The following HMGA2 variants were observed in gnomAD, a reference collection of about 807,000 sequenced individuals.
HMGA2 encodes high mobility group AT-hook 2.
Under a neutral mutation model 19.1 loss-of-function variants are expected in HMGA2, and 8 were observed. The ratio of observed to expected loss-of-function variants is 0.42; its 90% confidence interval spans 0.25 to 0.76. The LOEUF (loss-of-function observed/expected upper bound fraction) is 0.76, where lower values mean the gene tolerates loss of function less well. HMGA2 is among the 30% of genes least tolerant of loss of function. The probability of loss-of-function intolerance (pLI) is 0.28; values close to 1 mark genes in which losing one functional copy is unlikely to be tolerated. For missense variants in HMGA2, 109 were observed against 136.3 expected (o/e 0.80, Z 1.00); for synonymous variants, 60 against 48.8 (o/e 1.23, Z -0.96).
intron 2 of HMGA2, among the ~76,000 whole-genome samples, chr12:65,835,944 G>C (rs1270096456): frequency 6.6e-6 from 1 of 152,154 alleles, no homozygotes; most frequent in Non-Finnish European, 1.5e-5. Context: ...CAAAGATTAA[G>C]TCAGATGCTG....
intron 3 of HMGA2, among the ~76,000 whole-genome samples, chr12:65,917,644 A>G (rs538729340): frequency 5.3e-5 from 8 of 152,284 alleles, no homozygotes; most frequent in Non-Finnish European, 7.3e-5. Context: ...AGGAATTGAG[A>G]AAAAGAAGGA....
intron 3 of HMGA2, among the ~76,000 whole-genome samples, chr12:65,894,968 C>A (rs747015812): frequency 1.3e-5 from 2 of 152,118 alleles, no homozygotes; most frequent in Non-Finnish European, 2.9e-5. Context: ...CCAAATAGCA[C>A]CCTAATACAG....
chr12:65,951,711 T>C, intron 4 of HMGA2: 1 of 262,972 alleles, frequency 3.8e-6, no homozygotes, highest in South Asian at 1.1e-4. Flanking sequence ...AATCTTATCC[T>C]ATATTTTACC....
chr12:65,879,166 C>T (rs1167903715), intron 3 of HMGA2, among the ~76,000 whole-genome samples: 3 of 152,230 alleles, frequency 2.0e-5, no homozygotes, highest in Non-Finnish European at 4.4e-5. Context: ...CTAGCTCTGT[C>T]GCCCAGGCGG....
intron 3 of HMGA2, among the ~76,000 whole-genome samples, chr12:65,907,896 C>T (rs1592437424): frequency 6.6e-6 from 1 of 152,070 alleles, no homozygotes; most frequent in East Asian, 1.9e-4. Flanking sequence ...ACTGTGTGAC[C>T]TAAGTTTCAT....
At chr12:65,961,757 GTA>G (rs1876758381) in intron 4 of HMGA2, among the ~76,000 whole-genome samples, 1 of 150,058 alleles carries the variant, frequency 6.7e-6, no homozygotes, top group African/African-American at 2.4e-5. Flanking sequence ...GTGTGTGTGT[GTA>G]TGTGTGTGTG....
chr12:65,881,888 C>G (rs1342773531), intron 3 of HMGA2: 1 of 702,610 alleles, frequency 1.4e-6, no homozygotes, highest in Non-Finnish European at 2.6e-6. Flanking sequence ...CGAGAGAGCC[C>G]CGGTAGGTCC....
intron 3 of HMGA2, among the ~76,000 whole-genome samples, chr12:65,936,573 T>C (rs1007338254): frequency 1.3e-5 from 2 of 152,072 alleles, no homozygotes; most frequent in East Asian, 3.8e-4. Context: ...TTCATCACAG[T>C]GGTACTACAT....
At chr12:65,838,998 C>CTTTTTTTTTTTTTTTTTTTTTTT in intron 3 of HMGA2, among the ~76,000 whole-genome samples, 13 of 107,216 alleles carry the variant, frequency 1.2e-4, no homozygotes, top group Middle Eastern at 5.2e-3. Context: ...TTTTCTTTTT[C>CTTTTTTTTTTTTTTTTTTTTTTT]TTTTTTTTTT....
At chr12:65,831,923 G>A (rs1267437415) in intron 2 of HMGA2, among the ~76,000 whole-genome samples, 2 of 151,856 alleles carry the variant, frequency 1.3e-5, no homozygotes, top group Non-Finnish European at 3.0e-5. Flanking sequence ...AGGTAACTTT[G>A]GAAGTTATCA....
chr12:65,846,713 C>G (rs1369603298), intron 3 of HMGA2, among the ~76,000 whole-genome samples: 1 of 152,100 alleles, frequency 6.6e-6, no homozygotes, highest in African/African-American at 2.4e-5. Context: ...TTCTGAGACC[C>G]TTTGATTTTG....
At chr12:65,885,968 T>G (rs879893192) in intron 3 of HMGA2, among the ~76,000 whole-genome samples, 2 of 152,154 alleles carry the variant, frequency 1.3e-5, no homozygotes, top group Admixed American at 6.5e-5. Context: ...CCCCCTTGTT[T>G]AGCATATAAT....
At chr12:65,850,281 A>G (rs1301576921) in intron 3 of HMGA2, among the ~76,000 whole-genome samples, 2 of 152,226 alleles carry the variant, frequency 1.3e-5, no homozygotes, top group Non-Finnish European at 1.5e-5. Flanking sequence ...GTTAAGACCT[A>G]TGGGAACAAA....
chr12:65,913,175 C>T (rs1425035398), intron 3 of HMGA2, among the ~76,000 whole-genome samples: 2 of 151,964 alleles, frequency 1.3e-5, no homozygotes, highest in East Asian at 3.9e-4. Flanking sequence ...TCTTCTGTTC[C>T]TCCATTCCTT....
intron 3 of HMGA2, among the ~76,000 whole-genome samples, chr12:65,922,845 T>C (rs1011010248): frequency 2.7e-4 from 41 of 152,176 alleles, no homozygotes; most frequent in African/African-American, 9.7e-4. Flanking sequence ...ATTCTCATGA[T>C]AGTGAATAAG....
rs1565698478 is a variant in HMGA2 at position 65,825,939 on chromosome 12, C to G, written c.111+558C>G. ...TCCAAGCTCTCGGTGGCCCAAGACT[C>G]GCGCCCTCCCGACAAAGAACGCATG... On this transcript the variant is annotated intron_variant, in intron 1 of 4. Transcript: ENST00000403681. This position sits in a 1 kb window ranked among gnomAD's most constrained non-coding sequence, Gnocchi z 4.4. The G allele has an allele frequency of 6.6e-6, 1 of 151,998 alleles. No homozygotes were observed. The highest frequency in any genetic ancestry group is 2.4e-5 in the African/African-American group (1 of 41,380). 9.4% of individuals were successfully genotyped at this position (151,998 alleles called of 1,614,324 possible).
At chr12:65,909,248 C>T (rs1592438407) in intron 3 of HMGA2, among the ~76,000 whole-genome samples, 2 of 152,098 alleles carry the variant, frequency 1.3e-5, no homozygotes, top group Admixed American at 6.6e-5. Flanking sequence ...TTTTGTCTGG[C>T]GCCAGCACAA....
chr12:65,921,672 T>A (rs1248730038), intron 3 of HMGA2, among the ~76,000 whole-genome samples: 2 of 152,224 alleles, frequency 1.3e-5, no homozygotes, highest in Non-Finnish European at 1.5e-5. Context: ...GAAATTTGCA[T>A]AAGTAGCAAG....
chr12:65,907,437 G>T (rs1874645442), intron 3 of HMGA2, among the ~76,000 whole-genome samples: 1 of 151,612 alleles, frequency 6.6e-6, no homozygotes, highest in African/African-American at 2.4e-5. Context: ...AAAAAGGTGG[G>T]GGGTAAAGTG....
Sources: gnomAD v4.1 joint callset for allele counts (sites outside exome capture counted in the v4.1 genomes callset) on GRCh38, gnomAD v4.1.1 for gene constraint, Gnocchi (gnomAD v3.1) non-coding constraint, MANE v1.5 for transcripts, NCBI Gene and HGNC (gene_info 2026-07-23, HGNC 2026-07-21) for gene names.